TNRC6A: variants seen among roughly 807,000 people sequenced by gnomAD.
TNRC6A encodes trinucleotide repeat containing adaptor 6A, also known as trinucleotide repeat-containing gene 6A protein.
In TNRC6A, 44 loss-of-function variants were observed where a neutral mutation model predicts 221.2. The ratio of observed to expected loss-of-function variants is 0.20; its 90% CI spans 0.16 to 0.26. The LOEUF is 0.26. Among genes scored for constraint, TNRC6A ranks in the 10% least tolerant of loss-of-function variants. The pLI, the probability that TNRC6A is intolerant of heterozygous loss-of-function variation, is 1.00. For missense variants in TNRC6A, 2,199 were observed against 2,404.4 expected (o/e 0.91, Z 1.79); for synonymous variants, 847 against 838.5 (o/e 1.01, Z -0.18).
chr16:24,804,323 A>C lies in TNRC6A; in HGVS notation c.3837+4A>C, dbSNP rs1211381966. ...GCGCAATCCTTATTTTGATAAGGTA[A>C]GGTTTTTTACTTTTACCTCTGACTT... On this transcript the variant is annotated splice_donor_region_variant and intron_variant, in intron 12 of 24. Coordinates refer to ENST00000395799, the MANE Select transcript of TNRC6A (RefSeq NM_014494.4). 5 of 1,610,160 alleles carry C rather than the reference A, an allele frequency of 3.1e-6. No homozygotes were observed. The highest frequency in any genetic ancestry group is 4.2e-6 in the Non-Finnish European group (5 of 1,179,258).
chr16:24,770,654 CT>C (rs2057571464), intron 4 of TNRC6A, among the ~76,000 whole-genome samples: 1 of 152,178 alleles, frequency 6.6e-6, no homozygotes, highest in African/African-American at 2.4e-5. Context: ...ATGACTTATT[CT>C]TGCCTTTACT....
At chr16:24,750,217 G>A (rs1184004266) in intron 2 of TNRC6A, among the ~76,000 whole-genome samples, 1 of 152,162 alleles carries the variant, frequency 6.6e-6, no homozygotes, top group Admixed American at 6.5e-5. Flanking sequence ...TGAAATTGTT[G>A]TAATGCTGAA....
intron 3 of TNRC6A, among the ~76,000 whole-genome samples, chr16:24,753,545 A>C (rs1172634179): frequency 6.6e-6 from 1 of 152,230 alleles, no homozygotes; most frequent in Non-Finnish European, 1.5e-5. Flanking sequence ...TGGTATTTCC[A>C]TAGAGTGTTA....
intron 2 of TNRC6A, among the ~76,000 whole-genome samples, chr16:24,652,786 A>G (rs1292709968): frequency 2.0e-5 from 3 of 152,188 alleles, no homozygotes; most frequent in Non-Finnish European, 2.9e-5. Flanking sequence ...TTTTAAATTA[A>G]TAGTGCTAGT....
At chr16:24,626,267 T>A (rs1290837824) in intron 1 of TNRC6A, among the ~76,000 whole-genome samples, 1 of 152,174 alleles carries the variant, frequency 6.6e-6, no homozygotes, top group Non-Finnish European at 1.5e-5. Context: ...TGGTCACTCT[T>A]GGTTTTTATT....
At chr16:24,721,463 G>A (rs993866309) in intron 2 of TNRC6A, among the ~76,000 whole-genome samples, 2 of 151,958 alleles carry the variant, frequency 1.3e-5, no homozygotes, top group African/African-American at 4.8e-5. Context: ...GAGCCCAGGA[G>A]TTTGAGACTA....
At chr16:24,627,032 G>A (rs1055646003) in intron 1 of TNRC6A, among the ~76,000 whole-genome samples, 4 of 150,986 alleles carry the variant, frequency 2.6e-5, no homozygotes, top group African/African-American at 9.8e-5. Flanking sequence ...CATCAGTCCA[G>A]ATGAGAATTC....
At chr16:24,707,371 CACACACACAT>C (rs1349081846) in intron 2 of TNRC6A, among the ~76,000 whole-genome samples, 1 of 151,816 alleles carries the variant, frequency 6.6e-6, no homozygotes, top group East Asian at 1.9e-4. Context: ...CACACACACA[CACACACACAT>C]CTTAAATAAG....
At chr16:24,797,038 T>C (rs564025289) in intron 9 of TNRC6A, among the ~76,000 whole-genome samples, 2 of 152,366 alleles carry the variant, frequency 1.3e-5, no homozygotes, top group African/African-American at 4.8e-5. Flanking sequence ...TGGTGTTTTT[T>C]CAGTAGGATG....
intron 2 of TNRC6A, among the ~76,000 whole-genome samples, chr16:24,749,245 A>T (rs571088443): frequency 1.3e-5 from 2 of 151,540 alleles, no homozygotes; most frequent in South Asian, 4.2e-4. Flanking sequence ...TGCCCAGTAG[A>T]CTCCTTCCCT....
intron 2 of TNRC6A, among the ~76,000 whole-genome samples, chr16:24,668,883 C>G (rs113260731): frequency 1.2e-4 from 19 of 152,158 alleles, no homozygotes; most frequent in African/African-American, 4.1e-4. Flanking sequence ...TTGCCAACCT[C>G]CCTTTGAACA....
At chr16:24,713,638 A>C (rs2056254459) in intron 2 of TNRC6A, among the ~76,000 whole-genome samples, 1 of 150,890 alleles carries the variant, frequency 6.6e-6, no homozygotes, top group African/African-American at 2.4e-5. Context: ...TTTTTATTTT[A>C]GTTTAGTTTA....
intron 1 of TNRC6A, among the ~76,000 whole-genome samples, chr16:24,620,046 G>C (rs912759095): frequency 6.6e-6 from 1 of 151,978 alleles, no homozygotes; most frequent in Non-Finnish European, 1.5e-5. Context: ...GGAGGTTGAG[G>C]TGGGAGGATC....
chr16:24,652,123 C>T (rs74013284), intron 2 of TNRC6A, among the ~76,000 whole-genome samples: 2,466 of 150,826 alleles, frequency 0.016, 47 homozygotes, highest in African/African-American at 0.049. Context: ...AATAAAAGAA[C>T]TTGGAGAGAG....
At chr16:24,669,930 T>C (rs1360865967) in intron 2 of TNRC6A, among the ~76,000 whole-genome samples, 2 of 146,184 alleles carry the variant, frequency 1.4e-5, no homozygotes, top group East Asian at 4.1e-4. Flanking sequence ...TATGACCCTA[T>C]GAGGCAGCTA....
chr16:24,632,436 A>G (rs919909785), intron 1 of TNRC6A, among the ~76,000 whole-genome samples: 2 of 152,090 alleles, frequency 1.3e-5, no homozygotes, highest in Non-Finnish European at 2.9e-5. Context: ...CACACCCCAC[A>G]CACAATCCAT....
intron 1 of TNRC6A, among the ~76,000 whole-genome samples, chr16:24,621,643 C>T (rs1318308265): frequency 6.6e-6 from 1 of 152,040 alleles, no homozygotes; most frequent in African/African-American, 2.4e-5. Context: ...CAGATGTGAG[C>T]CACCGTGCCT....
At chr16:24,731,104 C>T (rs552038444) in intron 2 of TNRC6A, among the ~76,000 whole-genome samples, 1 of 151,980 alleles carries the variant, frequency 6.6e-6, no homozygotes, top group African/African-American at 2.4e-5. Flanking sequence ...TCTTTCCTAC[C>T]GTCTTTTCCT....
rs376757535 is a variant in TNRC6A at position 24,777,028 on chromosome 16, C to A, written c.259C>A (p.Arg87=). 7.4e-6 allele frequency: 12 copies of A among 1,613,874 alleles called. No homozygotes were observed. Among genetic ancestry groups the A allele is most frequent in the Non-Finnish European group, 6.8e-6 (8 of 1,180,036 alleles). Residue 87 remains arginine (R), a synonymous_variant, in exon 5 of 25, where the codon CGA becomes AGA. Transcript: ENST00000395799. ...AACCAGCACTAATAATAATGCCAAG[C>A]GAGCTACAGCCAACAATCAGCAGCC... ...TATSTNNNAK[R]ATANNQQPQQ...
Sources: gnomAD v4.1 joint callset for allele counts (sites outside exome capture counted in the v4.1 genomes callset) on GRCh38, gnomAD v4.1.1 for gene constraint, MANE v1.5 for transcripts, NCBI Gene and HGNC (gene_info 2026-07-23, HGNC 2026-07-21) for gene names.